FAM174A: variants seen among roughly 807,000 people sequenced by gnomAD.
FAM174A encodes family with sequence similarity 174 member A, also known as membrane protein FAM174A.
A neutral mutation model predicts 14.3 loss-of-function variants in FAM174A; 14 were observed. That is an observed-to-expected ratio of 0.98 (90% CI 0.65 to 1.53). The LOEUF (loss-of-function observed/expected upper bound fraction) is 1.53. Ranked by LOEUF, FAM174A falls within the 40% of genes most tolerant of loss-of-function variation. The pLI is 0.00. For synonymous variants in FAM174A, 108 were observed against 111.4 expected (o/e 0.97, Z 0.19); for missense variants, 241 against 249.6 (o/e 0.97, Z 0.23).
intron 1 of FAM174A, among the ~76,000 whole-genome samples, chr5:100,544,671 A>G (rs1746130700): frequency 6.6e-6 from 1 of 152,126 alleles, no homozygotes; most frequent in Non-Finnish European, 1.5e-5. Context: ...CAGAGAAGTC[A>G]GTTTTTTTAA....
chr5:100,559,979 C>T (rs568899097), intron 1 of FAM174A, among the ~76,000 whole-genome samples: 197 of 152,162 alleles, frequency 1.3e-3, no homozygotes, highest in Non-Finnish European at 1.7e-3. Flanking sequence ...AGCTTTGTTC[C>T]GTTGCTGGTG....
intron 1 of FAM174A, among the ~76,000 whole-genome samples, chr5:100,551,579 T>A (rs759131859): frequency 6.6e-6 from 1 of 152,192 alleles, no homozygotes; most frequent in Non-Finnish European, 1.5e-5. Context: ...TCTCTCTTTA[T>A]CCTTCACAGG....
At chr5:100,540,307 A>G (rs1055429710) in intron 1 of FAM174A, among the ~76,000 whole-genome samples, 1 of 152,202 alleles carries the variant, frequency 6.6e-6, no homozygotes, top group Admixed American at 6.5e-5. Context: ...ACTGTCACTA[A>G]TTCAGTAAAT....
intron 1 of FAM174A, among the ~76,000 whole-genome samples, chr5:100,551,126 A>G (rs1444943033): frequency 6.6e-6 from 1 of 152,188 alleles, no homozygotes; most frequent in African/African-American, 2.4e-5. Flanking sequence ...AGATGATAGG[A>G]TAGCAGTGGT....
chr5:100,578,017 G>T (rs78435686), intron 2 of FAM174A, among the ~76,000 whole-genome samples: 4 of 151,998 alleles, frequency 2.6e-5, no homozygotes, highest in African/African-American at 9.7e-5. Context: ...ACAGCATAGC[G>T]CATACTAATA....
chr5:100,573,973 A>G (rs552193132), intron 2 of FAM174A, among the ~76,000 whole-genome samples: 77 of 152,242 alleles, frequency 5.1e-4, no homozygotes, highest in African/African-American at 1.6e-3. Context: ...TTTTTTCTTA[A>G]TAGAATGTGA....
chr5:100,570,066 C>T (rs1011571063), intron 2 of FAM174A, among the ~76,000 whole-genome samples: 1 of 151,880 alleles, frequency 6.6e-6, no homozygotes, highest in Non-Finnish European at 1.5e-5. Context: ...GAAACAATAT[C>T]AAACATCATT....
At chr5:100,540,884 C>T (rs762481058) in intron 1 of FAM174A, among the ~76,000 whole-genome samples, 41 of 152,154 alleles carry the variant, frequency 2.7e-4, no homozygotes, top group Non-Finnish European at 1.2e-4. Context: ...CACATATAGA[C>T]ATTGATATCT....
At chr5:100,563,312 T>A (rs951153059) in intron 2 of FAM174A, among the ~76,000 whole-genome samples, 2 of 151,768 alleles carry the variant, frequency 1.3e-5, no homozygotes, top group African/African-American at 4.8e-5. Context: ...AAACTGATAT[T>A]CCATGCAAAT....
In FAM174A at chr5:100,535,428, T is replaced by G; in HGVS notation, c.-103T>G. ...GCCACGACCGGGCCTCTCCCTGGCG[T>G]TTGGTCACCTCTGCTTCATTCTCCA... On this transcript the variant is annotated 5_prime_UTR_variant, in exon 1 of 3. Transcript: ENST00000312637. 3.1e-6 allele frequency: 4 copies of G among 1,274,942 alleles called. No homozygotes were observed. The highest frequency in any genetic ancestry group is 4.4e-6 in the Non-Finnish European group (4 of 910,632). The allele number at this position is 1,274,942 out of a possible 1,614,324, so 79.0% of individuals were successfully genotyped here. A position where few individuals can be genotyped will look rare whatever the true frequency, so the allele number is the denominator to read the frequency against.
At chr5:100,561,421 G>A (rs930118057) in intron 1 of FAM174A, among the ~76,000 whole-genome samples, 1 of 151,942 alleles carries the variant, frequency 6.6e-6, no homozygotes, top group Non-Finnish European at 1.5e-5. Flanking sequence ...TGCTGATCCA[G>A]AGAACCACAC....
At chr5:100,584,669 C>T (rs1041866355) in intron 2 of FAM174A, among the ~76,000 whole-genome samples, 2 of 152,070 alleles carry the variant, frequency 1.3e-5, no homozygotes, top group African/African-American at 4.8e-5. Context: ...CATGCAACCA[C>T]ACAAAAGCTT....
At chr5:100,554,868 G>A (rs34454729) in intron 1 of FAM174A, among the ~76,000 whole-genome samples, 3,612 of 152,054 alleles carry the variant, frequency 0.024, 50 homozygotes, top group Non-Finnish European at 0.037. Flanking sequence ...CGCAGAGTGT[G>A]TCCTACAGAG....
intron 1 of FAM174A, among the ~76,000 whole-genome samples, chr5:100,556,739 C>T (rs904555167): frequency 4.6e-5 from 7 of 151,994 alleles, no homozygotes; most frequent in South Asian, 4.2e-4. Flanking sequence ...TTTGGCTGTC[C>T]GTTTGTCTGT....
intron 1 of FAM174A, among the ~76,000 whole-genome samples, chr5:100,550,384 CT>C (rs1746239927): frequency 6.6e-6 from 1 of 152,082 alleles, no homozygotes; most frequent in Non-Finnish European, 1.5e-5. Context: ...AAATGATGTT[CT>C]TTCAGGCTTG....
chr5:100,562,281 A>G, intron 2 of FAM174A, 93 bp downstream of exon 2: 1 of 1,156,144 alleles, frequency 8.6e-7, no homozygotes, highest in Non-Finnish European at 1.2e-6. Flanking sequence ...TTAACAGCTT[A>G]TATTCCAACA....
intron 2 of FAM174A, among the ~76,000 whole-genome samples, chr5:100,571,231 A>G (rs1354419151): frequency 3.3e-5 from 5 of 151,836 alleles, no homozygotes; most frequent in African/African-American, 9.6e-5. Context: ...TTCTCATAAA[A>G]TGTGTTGGGA....
intron 2 of FAM174A, among the ~76,000 whole-genome samples, chr5:100,564,713 A>C (rs1309318614): frequency 6.6e-6 from 1 of 151,908 alleles, no homozygotes; most frequent in Non-Finnish European, 1.5e-5. Flanking sequence ...TGGGTACCTC[A>C]GAAATTAAAG....
intron 1 of FAM174A, among the ~76,000 whole-genome samples, chr5:100,550,552 G>A (rs923624170): frequency 6.6e-6 from 1 of 152,132 alleles, no homozygotes; most frequent in African/African-American, 2.4e-5. Flanking sequence ...TGTGTGCTGT[G>A]GCTACTGTGG....
Sources: allele counts gnomAD v4.1 joint callset (sites outside exome capture counted in the v4.1 genomes callset), GRCh38; gene constraint gnomAD v4.1.1; transcripts MANE v1.5; gene names NCBI Gene and HGNC (gene_info 2026-07-23, HGNC 2026-07-21).